Variants in GSG1L observed in about 807,000 individuals in gnomAD.
GSG1L encodes the protein GSG1 like.
In GSG1L, 24 loss-of-function variants were observed where a neutral mutation model predicts 42.1. The observed-to-expected ratio is 0.57, with a 90% confidence interval of 0.41 to 0.80. The LOEUF is 0.80. Ranked by LOEUF, GSG1L falls within the 30% of genes least tolerant of loss-of-function variation. GSG1L has a pLI of 0.00. For missense variants in GSG1L, 445 were observed against 472.2 expected (o/e 0.94, Z 0.53); for synonymous variants, 215 against 203.5 (o/e 1.06, Z -0.48).
rs2083530955 is a variant in GSG1L at position 27,852,832 on chromosome 16, G to A, written c.551-7771C>T. On this transcript the variant is annotated intron_variant, in intron 3 of 6. Transcript: ENST00000447459. ...AGAGGAGCAGGAGGCAGGGAGCCTG[G>A]GAGGAGCAGCTGCAGTCCTCCCCGC... Among the ~76,000 whole-genome samples, 3 of 152,158 alleles carry A rather than the reference G, an allele frequency of 2.0e-5. No individual in the cohort carries two copies. The South Asian group carries it at 6.2e-4, about 32-fold the overall frequency.
At chr16:28,006,594 C>T (rs1321971710) in intron 1 of GSG1L, among the ~76,000 whole-genome samples, 1 of 152,138 alleles carries the variant, frequency 6.6e-6, no homozygotes. Flanking sequence ...CAGGCATGAG[C>T]CACCGCGCCT....
chr16:27,917,731 T>C (rs1307401204), intron 2 of GSG1L, among the ~76,000 whole-genome samples: 1 of 152,196 alleles, frequency 6.6e-6, no homozygotes, highest in East Asian at 1.9e-4. Flanking sequence ...ATCAGACTTC[T>C]CTTAGTTGCA....
In GSG1L at chr16:27,915,926, T is replaced by C. The variant is rs559833322; in HGVS notation, c.398-31288A>G. On this transcript the variant is annotated intron_variant, in intron 2 of 6. Transcript: ENST00000447459. ...CGGGTGGGGCCCTCGGGCAAATCAT[T>C]TAACTTTTTTTGCAGTGAATATTCC... 5.9e-5 allele frequency among the ~76,000 whole-genome samples: 9 copies of C among 152,008 alleles called. No individual in the cohort carries two copies. The East Asian group carries it at 1.7e-3, about 29-fold the overall frequency.
At chr16:28,031,474 C>A (rs1310840042) in intron 1 of GSG1L, among the ~76,000 whole-genome samples, 1 of 151,872 alleles carries the variant, frequency 6.6e-6, no homozygotes, top group Non-Finnish European at 1.5e-5. Flanking sequence ...GAATGGGATT[C>A]AGCCTGGCTC....
At position 28,059,805 on chromosome 16, in the gene GSG1L, C is replaced by T. The variant is rs755747750; in HGVS notation, c.349+3271G>A. 1.3e-5 allele frequency among the ~76,000 whole-genome samples: 2 copies of T among 152,174 alleles called. No individual in the cohort carries two copies. Among genetic ancestry groups the T allele is most frequent in the Admixed American group, 6.5e-5 (1 of 15,268 alleles). On this transcript the variant is annotated intron_variant, in intron 1 of 6. Coordinates refer to ENST00000447459, the MANE Select transcript of GSG1L (RefSeq NM_001109763.2). The surrounding 1 kb of genome is among the most constrained non-coding windows in gnomAD (Gnocchi z 4.4). ...TTCCCTTTCTGTTTGTGGAAGGACG[C>T]GGGTGCTCTTCTTGGAGCAAGGAGA...
intron 2 of GSG1L, among the ~76,000 whole-genome samples, chr16:27,962,245 CA>C (rs2085080295): frequency 6.6e-6 from 1 of 152,198 alleles, no homozygotes. Flanking sequence ...GGATAAAGAC[CA>C]CATTTCCCAG....
At chr16:27,874,309 A>G (rs1014792130) in intron 3 of GSG1L, among the ~76,000 whole-genome samples, 5 of 152,132 alleles carry the variant, frequency 3.3e-5, no homozygotes, top group Non-Finnish European at 7.3e-5. Flanking sequence ...GCTTTGAGCC[A>G]GCCTGACCTC....
intron 4 of GSG1L, among the ~76,000 whole-genome samples, chr16:27,842,264 A>C (rs116946168): frequency 6.6e-6 from 1 of 152,132 alleles, no homozygotes; most frequent in Non-Finnish European, 1.5e-5. Context: ...GTGTTTACTG[A>C]GAACACACCA....
intron 3 of GSG1L, among the ~76,000 whole-genome samples, chr16:27,872,962 T>C (rs1173339694): frequency 6.6e-6 from 1 of 152,244 alleles, no homozygotes; most frequent in East Asian, 1.9e-4. Flanking sequence ...GCTCTGCCTA[T>C]GGAGTAGTCA....
At chr16:27,892,148 T>A (rs1056573537) in intron 2 of GSG1L, among the ~76,000 whole-genome samples, 6 of 152,066 alleles carry the variant, frequency 3.9e-5, no homozygotes, top group Non-Finnish European at 5.9e-5. Flanking sequence ...AAAGTCCCAT[T>A]TTTAAATGTA....
intron 2 of GSG1L, among the ~76,000 whole-genome samples, chr16:27,912,350 C>T (rs1335325483): frequency 6.6e-6 from 1 of 152,094 alleles, no homozygotes; most frequent in Non-Finnish European, 1.5e-5. Flanking sequence ...CTGGTCTCTA[C>T]TAAAAACATT....
rs978384635 is a variant in GSG1L, at chr16:27,845,018, G to C, written c.594C>G (p.Phe198Leu). ...CAGGACCGAGGCTCACGGTGACCTG[G>C]AACACCTGCGTGTACATCATGTGGG... ...MVAHMMYTQV[F>L]QVTVSLGPED... The change falls in exon 4 of 7, where the codon TTC (phenylalanine) becomes TTG (leucine). Residue 198 changes from phenylalanine (F) to leucine (L), a missense_variant. This residue lies in a region of GSG1L where 149 missense variants were observed against 223.3 expected (regional missense o/e 0.67). Transcript: ENST00000447459. 1.2e-5 allele frequency: 20 copies of C among 1,613,708 alleles called. No individual in the cohort carries two copies. In the East Asian group the frequency reaches 4.5e-4, roughly 36 times the overall value.
At chr16:28,010,859 C>T (rs1443857395) in intron 1 of GSG1L, among the ~76,000 whole-genome samples, 1 of 152,148 alleles carries the variant, frequency 6.6e-6, no homozygotes, top group South Asian at 2.1e-4. Context: ...TGCAGCCGCC[C>T]GCAACTGCCT....
chr16:27,871,045 A>C (rs1482354864), intron 3 of GSG1L, among the ~76,000 whole-genome samples: 2 of 152,158 alleles, frequency 1.3e-5, no homozygotes, highest in African/African-American at 4.8e-5. Context: ...CCTGGCATCC[A>C]AGTCCAGCCA....
intron 1 of GSG1L, among the ~76,000 whole-genome samples, chr16:28,046,919 T>G (rs2086167772): frequency 6.6e-6 from 1 of 152,208 alleles, no homozygotes; most frequent in African/African-American, 2.4e-5. Context: ...AAAGTTTGCT[T>G]CTTTGTGTAT....
At chr16:27,798,190 T>C (rs1441949980) in intron 6 of GSG1L, among the ~76,000 whole-genome samples, 2 of 152,024 alleles carry the variant, frequency 1.3e-5, no homozygotes, top group Non-Finnish European at 2.9e-5. Context: ...ATTAAAACAT[T>C]TAAAAACACA....
chr16:28,052,527 G>A (rs2086231618), intron 1 of GSG1L, among the ~76,000 whole-genome samples: 1 of 152,156 alleles, frequency 6.6e-6, no homozygotes, highest in Non-Finnish European at 1.5e-5. Flanking sequence ...TGAGATGCAA[G>A]CAGGATGGTC....
At chr16:28,062,118 G>C (rs756988) in intron 1 of GSG1L, among the ~76,000 whole-genome samples, 68,997 of 151,500 alleles carry the variant, frequency 0.46, 15,898 homozygotes, top group East Asian at 0.69. Context: ...ACTCAGGAGG[G>C]TGTCCATGCC....
intron 1 of GSG1L, among the ~76,000 whole-genome samples, chr16:27,976,160 G>A (rs770801461): frequency 6.6e-6 from 1 of 151,986 alleles, no homozygotes; most frequent in Non-Finnish European, 1.5e-5. Context: ...CTGTAATCCC[G>A]GCTACTCAGG....
Sources: allele counts gnomAD v4.1 joint callset (sites outside exome capture counted in the v4.1 genomes callset), GRCh38; gene constraint gnomAD v4.1.1; regional missense constraint gnomAD v4.1.1; non-coding constraint Gnocchi (gnomAD v3.1); transcripts MANE v1.5; gene names NCBI Gene and HGNC (gene_info 2026-07-23, HGNC 2026-07-21).